LIPC: variants seen among roughly 807,000 people sequenced by gnomAD.
LIPC encodes lipase C, hepatic type.
In LIPC, 44 loss-of-function variants were observed where a neutral mutation model predicts 50.7. The ratio of observed to expected loss-of-function variants is 0.87; its 90% CI spans 0.68 to 1.11. The LOEUF (loss-of-function observed/expected upper bound fraction) is 1.11. Ranked by LOEUF, LIPC falls within the 50% of genes most tolerant of loss-of-function variation. LIPC has a pLI of 0.00. For synonymous variants in LIPC, 271 were observed against 256.4 expected (o/e 1.06, Z -0.54); for missense variants, 697 against 648.2 (o/e 1.08, Z -0.82).
At chr15:58,527,791 T>TG (rs1566939354) in intron 1 of LIPC, among the ~76,000 whole-genome samples, 241 of 150,046 alleles carry the variant, frequency 1.6e-3, no homozygotes, top group East Asian at 3.5e-3. Flanking sequence ...ATAAATGAAT[T>TG]AATGAATGAA....
chr15:58,474,532 A>G (rs10152592), intron 1 of LIPC, among the ~76,000 whole-genome samples: 105,193 of 146,474 alleles, frequency 0.72, 37,845 homozygotes, highest in East Asian at 0.77. Context: ...AAAAAAAAAA[A>G]GAGGCTTTTC....
At chr15:58,540,289 T>C (rs976310415) in intron 2 of LIPC, among the ~76,000 whole-genome samples, 16 of 152,246 alleles carry the variant, frequency 1.1e-4, no homozygotes, top group African/African-American at 3.4e-4. Context: ...TTACTGCTAA[T>C]ATTAATAACA....
At chr15:58,510,891 T>C (rs1892308616) in intron 1 of LIPC, among the ~76,000 whole-genome samples, 1 of 152,260 alleles carries the variant, frequency 6.6e-6, no homozygotes, top group African/African-American at 2.4e-5. Flanking sequence ...TGCACATTGT[T>C]CCACATGGAG....
chr15:58,567,307 ATATATATGTATATGTG>A (rs1566955119), intron 8 of LIPC, among the ~76,000 whole-genome samples: 1 of 95,134 alleles, frequency 1.1e-5, no homozygotes, highest in Non-Finnish European at 2.3e-5. Flanking sequence ...ATATATATAC[ATATATATGTATATGTG>A]TATATATATA....
rs891530604 is a variant in LIPC, at chr15:58,569,151, G to A, written c.*324G>A. 1.0e-5 allele frequency: 2 copies of A among 195,090 alleles called. No individual in the cohort carries two copies. The highest frequency in any genetic ancestry group is 2.1e-5 in the Non-Finnish European group (2 of 95,044). The allele number at this position is 195,090 out of a possible 1,614,324, so 12.1% of individuals were successfully genotyped here. On this transcript the variant is annotated 3_prime_UTR_variant, in exon 9 of 9. Coordinates refer to ENST00000299022, the MANE Select transcript of LIPC (RefSeq NM_000236.3). ...TCTTTTATAATTAAGTTTCCCACAT[G>A]TCCTTGCTAGTTTATTATGACCCAT...
intron 6 of LIPC, among the ~76,000 whole-genome samples, chr15:58,558,230 A>C (rs1260068062): frequency 2.1e-4 from 31 of 150,822 alleles, no homozygotes; most frequent in Non-Finnish European, 1.5e-5. Flanking sequence ...CCACCACCAC[A>C]CCCAGCTAAT....
At chr15:58,542,506 C>A in intron 3 of LIPC, 28 bp from the exon 4 acceptor site, 1 of 1,465,412 alleles carries the variant, frequency 6.8e-7, no homozygotes. Context: ...AGCTCTTCTC[C>A]TGCCCCCATC....
At chr15:58,524,192 T>C (rs1226072364) in intron 1 of LIPC, among the ~76,000 whole-genome samples, 1 of 152,130 alleles carries the variant, frequency 6.6e-6, no homozygotes, top group East Asian at 1.9e-4. Context: ...TCCACAAAAG[T>C]ATCACACTTT....
chr15:58,497,478 G>A (rs1194023442), intron 1 of LIPC, among the ~76,000 whole-genome samples: 1 of 152,204 alleles, frequency 6.6e-6, no homozygotes, highest in African/African-American at 2.4e-5. Flanking sequence ...GTCAGGGAGA[G>A]CTTGTCTGGG....
At chr15:58,464,046 C>A (rs559794529) in intron 1 of LIPC, among the ~76,000 whole-genome samples, 71 of 152,062 alleles carry the variant, frequency 4.7e-4, no homozygotes, top group African/African-American at 1.6e-3. Flanking sequence ...GGCAAATAAC[C>A]CCACCTGAAA....
chr15:58,436,754 A>T (rs1159168903), intron 1 of LIPC: 1 of 456,182 alleles, frequency 2.2e-6, no homozygotes, highest in Non-Finnish European at 4.4e-6. Context: ...TTCCAAGTGG[A>T]GGGAAGAAGG....
intron 1 of LIPC, among the ~76,000 whole-genome samples, chr15:58,502,977 A>C (rs1274896973): frequency 6.8e-6 from 1 of 147,356 alleles, no homozygotes; most frequent in East Asian, 2.0e-4. Context: ...AAAAAAGCCC[A>C]GGTGCAAACA....
chr15:58,449,343 T>C (rs1893819204), intron 1 of LIPC, among the ~76,000 whole-genome samples: 1 of 152,194 alleles, frequency 6.6e-6, no homozygotes, highest in Non-Finnish European at 1.5e-5. Flanking sequence ...TGCATCTCTC[T>C]CCTTCTCATT....
At chr15:58,539,900 A>G (rs1469922280) in intron 2 of LIPC, among the ~76,000 whole-genome samples, 1 of 152,138 alleles carries the variant, frequency 6.6e-6, no homozygotes, top group Non-Finnish European at 1.5e-5. Context: ...GTCCTCCTGC[A>G]AGCCATTGCT....
At chr15:58,483,415 C>T (rs1351761012) in intron 1 of LIPC, among the ~76,000 whole-genome samples, 1 of 152,186 alleles carries the variant, frequency 6.6e-6, no homozygotes, top group Non-Finnish European at 1.5e-5. Context: ...CACACTGACC[C>T]TGCAGTTTAC....
intron 1 of LIPC, among the ~76,000 whole-genome samples, chr15:58,507,442 G>A (rs555890301): frequency 3.0e-4 from 45 of 152,300 alleles, no homozygotes; most frequent in African/African-American, 1.1e-3. Flanking sequence ...CTTGGAATGT[G>A]ATCAGTCATC....
At chr15:58,497,608 T>C (rs1224603836) in intron 1 of LIPC, 3 of 152,338 alleles carry the variant, frequency 2.0e-5, no homozygotes, top group African/African-American at 7.2e-5. Context: ...ACCCTTCCTG[T>C]CTCTACTGGT....
intron 1 of LIPC, among the ~76,000 whole-genome samples, chr15:58,448,816 G>A (rs551302743): frequency 2.0e-5 from 3 of 152,262 alleles, no homozygotes; most frequent in African/African-American, 7.2e-5. Context: ...ATACTCAGCA[G>A]AGTGGCAAGT....
At chr15:58,506,017 TCA>T (rs1362846475) in intron 1 of LIPC, among the ~76,000 whole-genome samples, 4 of 152,098 alleles carry the variant, frequency 2.6e-5, no homozygotes, top group Admixed American at 2.0e-4. Flanking sequence ...TCATCCTTAC[TCA>T]CCAACTTGGA....
Sources: gnomAD v4.1 joint callset for allele counts (sites outside exome capture counted in the v4.1 genomes callset) on GRCh38, gnomAD v4.1.1 for gene constraint, MANE v1.5 for transcripts, NCBI Gene and HGNC (gene_info 2026-07-23, HGNC 2026-07-21) for gene names.